The following ABCF1 variants were observed in gnomAD, a reference collection of about 807,000 sequenced individuals.
ABCF1 encodes ATP-binding cassette sub-family F member 1.
In ABCF1, 73 loss-of-function variants were observed where a neutral mutation model predicts 126.3. The observed-to-expected ratio is 0.58, with a 90% CI of 0.48 to 0.70. The LOEUF (loss-of-function observed/expected upper bound fraction) is 0.70, where lower values mean the gene tolerates loss of function less well. Among genes scored for constraint, ABCF1 ranks in the 30% least tolerant of loss-of-function variants. The probability of loss-of-function intolerance (pLI) is 0.00; values close to 1 mark genes in which losing one functional copy is unlikely to be tolerated. For missense variants in ABCF1, 786 were observed against 1,057.5 expected (o/e 0.74, Z 3.56); for synonymous variants, 345 against 396.4 (o/e 0.87, Z 1.54).
Position 30,578,096 on chromosome 6 carries a change from C to T in ABCF1, c.237C>T (p.Thr79=), listed in dbSNP as rs369619459. The change falls in exon 4 of 25, where the codon ACC becomes ACT. Residue 79 remains threonine, a synonymous_variant. Coordinates refer to ENST00000326195, the MANE Select transcript of ABCF1 (RefSeq NM_001025091.2). Reference sequence around the variant, plus strand: ...AGCAGCAAAAAAAAAAGCGAGATACCCGAAAAGGCAGGCGGAAGAAGGATG... The same window carrying T: ...AGCAGCAAAAAAAAAAGCGAGATACTCGAAAAGGCAGGCGGAAGAAGGATG... ...QQQQQKKKRD[T]RKGRRKKDVD... 6 of 1,613,854 alleles carry T rather than the reference C, an allele frequency of 3.7e-6. No homozygotes were observed. The highest frequency in any genetic ancestry group is 5.1e-6 in the Non-Finnish European group (6 of 1,180,006).
chr6:30,583,187 A>T lies in ABCF1; in HGVS notation c.914A>T (p.Lys305Met), dbSNP rs185298446. 1 of 1,605,694 alleles carries T rather than the reference A, an allele frequency of 6.2e-7. No homozygotes were observed. The highest frequency in any genetic ancestry group is 1.7e-5 in the Admixed American group (1 of 59,860). Reference protein sequence around the residue: ...QAMLENASDIKLEKFSISAHG... With the variant: ...QAMLENASDIMLEKFSISAHG... ...ATGTTAGAAAATGCATCTGACATCAAGGTAAGGTCTCAAGGGGCCCCTTCC... is the reference window on the plus strand; with the variant it reads ...ATGTTAGAAAATGCATCTGACATCATGGTAAGGTCTCAAGGGGCCCCTTCC... Residue 305 changes from lysine to methionine, a missense_variant and splice_region_variant, in exon 10 of 25, where the codon AAG becomes ATG. Coordinates refer to ENST00000326195, the MANE Select transcript of ABCF1 (RefSeq NM_001025091.2). This position sits in a 1 kb window ranked among gnomAD's most constrained non-coding sequence, Gnocchi z 4.1.
intron 20 of ABCF1, among the ~76,000 whole-genome samples, chr6:30,588,103 A>G (rs1256309941): frequency 6.6e-6 from 1 of 151,982 alleles, no homozygotes; most frequent in Non-Finnish European, 1.5e-5. Flanking sequence ...GGGTTTCACC[A>G]TGTTGGTCAG....
At position 30,574,149 on chromosome 6, in the gene ABCF1, G is replaced by GT. The variant is rs536648577; in HGVS notation, c.73+2601dup. On this transcript the variant is annotated intron_variant, in intron 1 of 24. Transcript: ENST00000326195. The surrounding 1 kb of genome is among the most constrained non-coding windows in gnomAD (Gnocchi z 4.3). ...CAAAAGATTTTTTTGGTTTTGGTGGGTTTTTTTTTTTTGTGACGGAGCCTC... is the reference window on the plus strand; with the variant it reads ...CAAAAGATTTTTTTGGTTTTGGTGGGTTTTTTTTTTTTTGTGACGGAGCCTC... 4.7e-3 allele frequency among the ~76,000 whole-genome samples: 682 copies of GT among 143,828 alleles called. 3 individuals carry two copies. The highest frequency in any genetic ancestry group is 7.1e-3 in the Middle Eastern group (2 of 282). The allele number at this position is 143,828 out of a possible 152,430, so 94.4% of individuals were successfully genotyped here.
intron 6 of ABCF1, among the ~76,000 whole-genome samples, chr6:30,579,172 C>T (rs1412039890): frequency 6.6e-6 from 1 of 152,126 alleles, no homozygotes; most frequent in Non-Finnish European, 1.5e-5. Flanking sequence ...GAGAAAGCCT[C>T]CAGTGCTAGT....
Position 30,589,828 on chromosome 6 carries a change from A to G in ABCF1, c.2087A>G (p.Gln696Arg). 1 of 1,614,186 alleles carries G rather than the reference A, an allele frequency of 6.2e-7. No individual in the cohort carries two copies. The highest frequency in any genetic ancestry group is 2.2e-5 in the East Asian group (1 of 44,878). ...CAGAAAATTGGCTTCTTCAACCAGC[A>G]GTATGCAGAGCAGCTGCGCATGGAG... ...HRLKIGFFNQ[Q>R]YAEQLRMEET... is the part of the protein sequence containing the mutation. Residue 696 changes from glutamine to arginine, a missense_variant, in exon 22 of 25, where the codon CAG (glutamine) becomes CGG (arginine). Physicochemically the swap from Gln to Arg is conservative, Grantham distance 43 (BLOSUM62 1). Coordinates refer to ENST00000326195, the MANE Select transcript of ABCF1 (RefSeq NM_001025091.2).
chr6:30,591,186 T>G lies in ABCF1; in HGVS notation c.*485T>G, dbSNP rs1280102430. The G allele has an allele frequency of 6.5e-6, 1 of 154,898 alleles. No individual in the cohort carries two copies. The highest frequency in any genetic ancestry group is 1.4e-5 in the Non-Finnish European group (1 of 69,968). 9.6% of individuals were successfully genotyped at this position (154,898 alleles called of 1,614,324 possible). ...GGTGAGCTTCTGAGGCCTTTGCCAT[T>G]ATCCAGCCCAAGATTTGGTGCCTGC... On this transcript the variant is annotated 3_prime_UTR_variant, in exon 25 of 25. Transcript: ENST00000326195.
chr6:30,582,044 T>C (rs1801841084), intron 8 of ABCF1, among the ~76,000 whole-genome samples: 1 of 149,266 alleles, frequency 6.7e-6, no homozygotes, highest in Non-Finnish European at 1.5e-5. Flanking sequence ...CTAGAAGGAG[T>C]CCCTAGTTTT....
Position 30,582,383 on chromosome 6 carries a change from G to C in ABCF1, c.679-11G>C. ...GAGTCCCTAGTTTTGACCATCCCCG[G>C]GTTCTCACAGGGTTCAGAGGAAGAA... On this transcript the variant is annotated splice_polypyrimidine_tract_variant and intron_variant, in intron 8 of 24. Coordinates refer to ENST00000326195, the MANE Select transcript of ABCF1 (RefSeq NM_001025091.2). The C allele has an allele frequency of 6.4e-7, 1 of 1,568,452 alleles. No homozygotes were observed. The highest frequency in any genetic ancestry group is 8.7e-7 in the Non-Finnish European group (1 of 1,143,028).
chr6:30,588,863 C>T (rs1377455247), intron 20 of ABCF1, among the ~76,000 whole-genome samples: 2 of 152,120 alleles, frequency 1.3e-5, no homozygotes, highest in Non-Finnish European at 2.9e-5. Flanking sequence ...TCGTGAGTCT[C>T]GCTGTATGGA....
chr6:30,581,396 A>ATT (rs1801808281), intron 8 of ABCF1, among the ~76,000 whole-genome samples: 2 of 92,836 alleles, frequency 2.2e-5, no homozygotes, highest in Non-Finnish European at 4.2e-5. Context: ...GAGCTTCCTG[A>ATT]TCTTTTTTTT....
In ABCF1 at chr6:30,586,368, A is replaced by G. The variant is rs1802133614; in HGVS notation, c.1885+63A>G. ...CCGGAAGCATGTATGTGCACCCTAA[A>G]TTCTCCACCAAGGCTGAGATTGCTC... On this transcript the variant is annotated intron_variant, in intron 18 of 24. Coordinates refer to ENST00000326195, the MANE Select transcript of ABCF1 (RefSeq NM_001025091.2). The surrounding 1 kb of genome is among the most constrained non-coding windows in gnomAD (Gnocchi z 4.9). 2 of 1,602,994 alleles carry G rather than the reference A, an allele frequency of 1.2e-6. No individual in the cohort carries two copies.
Position 30,576,608 on chromosome 6 carries a change from C to T in ABCF1, c.74-801C>T, listed in dbSNP as rs969307912. Among the ~76,000 whole-genome samples, 9 of 152,142 alleles carry T rather than the reference C, an allele frequency of 5.9e-5. No homozygotes were observed. The East Asian group carries it at 1.2e-3, about 20-fold the overall frequency. On this transcript the variant is annotated intron_variant, in intron 1 of 24. Transcript: ENST00000326195. ...CCGGCCGGGTGCTCTTTATTCCCCA[C>T]CTCTAGCCCCATCCTATGAATTCTT...
chr6:30,587,515 T>C (rs1802210736), intron 20 of ABCF1, among the ~76,000 whole-genome samples: 1 of 151,418 alleles, frequency 6.6e-6, no homozygotes, highest in Non-Finnish European at 1.5e-5. Flanking sequence ...ATGCCTGTAA[T>C]CCCAGCTATT....
chr6:30,576,227 G>A (rs181043039), intron 1 of ABCF1, among the ~76,000 whole-genome samples: 46 of 139,362 alleles, frequency 3.3e-4, no homozygotes, highest in African/African-American at 1.2e-3. Flanking sequence ...GTACCACTTA[G>A]CCCAGCTAAT....
In ABCF1 at chr6:30,586,788, G is replaced by T; in HGVS notation, c.2031+77G>T. 1 of 1,480,184 alleles carries T rather than the reference G, an allele frequency of 6.8e-7. No homozygotes were observed. The highest frequency in any genetic ancestry group is 9.4e-7 in the Non-Finnish European group (1 of 1,067,544). 91.7% of individuals were successfully genotyped at this position (1,480,184 alleles called of 1,614,324 possible). On this transcript the variant is annotated intron_variant, in intron 20 of 24. Coordinates refer to ENST00000326195, the MANE Select transcript of ABCF1 (RefSeq NM_001025091.2). The surrounding 1 kb of genome is among the most constrained non-coding windows in gnomAD (Gnocchi z 4.9). ...GCTTTTGCCAGAAGCTGGAATCAGG[G>T]AGCCTCTCGAGAATGTAGAGTTAAA...
At position 30,584,017 on chromosome 6, in the gene ABCF1, G is replaced by T; in HGVS notation, c.1102+127G>T. 7.1e-7 allele frequency: 1 copy of T among 1,399,080 alleles called. No homozygotes were observed. Among genetic ancestry groups the T allele is most frequent in the Non-Finnish European group, 9.9e-7 (1 of 1,013,884 alleles). The allele number at this position is 1,399,080 out of a possible 1,614,324, so 86.7% of individuals were successfully genotyped here. A position where few individuals can be genotyped will look rare whatever the true frequency, so the allele number is the denominator to read the frequency against. On this transcript the variant is annotated intron_variant, in intron 12 of 24. Coordinates refer to ENST00000326195, the MANE Select transcript of ABCF1 (RefSeq NM_001025091.2). The surrounding 1 kb of genome is among the most constrained non-coding windows in gnomAD (Gnocchi z 4.6). ...GATGTGGAGGGAGACTGGAGACCGG[G>T]AAAGGGATGCTAAGGAAAGGAGGGG...
chr6:30,585,365 A>T (rs928911133), intron 15 of ABCF1, 22 bp downstream of exon 15: 19 of 1,608,714 alleles, frequency 1.2e-5, no homozygotes, highest in Non-Finnish European at 1.6e-5. Flanking sequence ...CCTTTGCATC[A>T]TTGGTTCCCA....
At position 30,583,727 on chromosome 6, in the gene ABCF1, T is replaced by C. The variant is rs774443117; in HGVS notation, c.1016+19T>C. The C allele has an allele frequency of 1.2e-6, 2 of 1,613,224 alleles. No homozygotes were observed. The highest frequency in any genetic ancestry group is 1.7e-6 in the Non-Finnish European group (2 of 1,179,688). Reference sequence around the variant, plus strand: ...CCAATGGGTGAGAAGAGGAGGGAGCTGGAGGCAAAAAAGGGCCTGGAGGGA... The same window carrying C: ...CCAATGGGTGAGAAGAGGAGGGAGCCGGAGGCAAAAAAGGGCCTGGAGGGA... On this transcript the variant is annotated intron_variant, in intron 11 of 24. Transcript: ENST00000326195. The surrounding 1 kb of genome is among the most constrained non-coding windows in gnomAD (Gnocchi z 4.1).
At position 30,586,102 on chromosome 6, in the gene ABCF1, T is replaced by C. The variant is rs1453379743; in HGVS notation, c.1714-32T>C. On this transcript the variant is annotated intron_variant, in intron 17 of 24. Coordinates refer to ENST00000326195, the MANE Select transcript of ABCF1 (RefSeq NM_001025091.2). The surrounding 1 kb of genome is among the most constrained non-coding windows in gnomAD (Gnocchi z 4.9). Reference sequence around the variant, plus strand: ...CATTTCAAGGACTGCCGCGCAGGGCTCAGGTTTCTCTTTTTTCCTCTTCCT... The same window carrying C: ...CATTTCAAGGACTGCCGCGCAGGGCCCAGGTTTCTCTTTTTTCCTCTTCCT... 3 of 1,606,076 alleles carry C rather than the reference T, an allele frequency of 1.9e-6. No homozygotes were observed. Among genetic ancestry groups the C allele is most frequent in the Non-Finnish European group, 2.5e-6 (3 of 1,177,094 alleles).
Sources: gnomAD v4.1 joint callset for allele counts (sites outside exome capture counted in the v4.1 genomes callset) on GRCh38, gnomAD v4.1.1 for gene constraint, Gnocchi (gnomAD v3.1) non-coding constraint, MANE v1.5 for transcripts, NCBI Gene and HGNC (gene_info 2026-07-23, HGNC 2026-07-21) for gene names.